MAN1A2: variants seen among roughly 807,000 people sequenced by gnomAD.
MAN1A2 encodes mannosyl-oligosaccharide 1,2-alpha-mannosidase IB.
MAN1A2 carries 26 observed loss-of-function variants against 75.7 expected under a neutral mutation model. That is an observed-to-expected ratio of 0.34 (90% CI 0.25 to 0.48). The LOEUF is 0.48. MAN1A2 is among the 20% of genes least tolerant of loss of function. The pLI, the probability that MAN1A2 is intolerant of heterozygous loss-of-function variation, is 0.99. For missense variants in MAN1A2, 562 were observed against 775.5 expected (o/e 0.72, Z 3.27); for synonymous variants, 247 against 264.6 (o/e 0.93, Z 0.65).
intron 1 of MAN1A2, among the ~76,000 whole-genome samples, chr1:117,394,777 G>T (rs1335967434): frequency 6.6e-6 from 1 of 152,214 alleles, no homozygotes; most frequent in African/African-American, 2.4e-5. Context: ...AGTGTAGGAA[G>T]TGGAAACAGC....
At chr1:117,490,414 C>G (rs932222865) in intron 8 of MAN1A2, among the ~76,000 whole-genome samples, 1 of 152,006 alleles carries the variant, frequency 6.6e-6, no homozygotes, top group African/African-American at 2.4e-5. Flanking sequence ...TTTTGGGCAG[C>G]ATGAACAGCA....
intron 12 of MAN1A2, among the ~76,000 whole-genome samples, chr1:117,521,871 G>T (rs1046108203): frequency 6.6e-6 from 1 of 151,862 alleles, no homozygotes; most frequent in Non-Finnish European, 1.5e-5. Context: ...CCAATTAACA[G>T]CATTTGCAGT....
intron 5 of MAN1A2, among the ~76,000 whole-genome samples, chr1:117,441,453 A>G (rs1649031698): frequency 6.6e-6 from 1 of 152,170 alleles, no homozygotes; most frequent in South Asian, 2.1e-4. Flanking sequence ...TGATGCATAT[A>G]AGAGAATGTG....
intron 4 of MAN1A2, among the ~76,000 whole-genome samples, chr1:117,419,801 ATC>A (rs1023602247): frequency 1.3e-5 from 2 of 151,920 alleles, no homozygotes; most frequent in Admixed American, 1.3e-4. Flanking sequence ...TGCTGTTTCC[ATC>A]TGTTTGCCAT....
chr1:117,371,743 C>T (rs1246547956), intron 1 of MAN1A2, among the ~76,000 whole-genome samples: 2 of 152,074 alleles, frequency 1.3e-5, no homozygotes, highest in Non-Finnish European at 2.9e-5. Context: ...TTTTTGGCCT[C>T]CTTATTGTTG....
intron 6 of MAN1A2, among the ~76,000 whole-genome samples, chr1:117,448,372 A>G (rs1477070107): frequency 6.6e-6 from 1 of 152,214 alleles, no homozygotes; most frequent in African/African-American, 2.4e-5. Flanking sequence ...AATGTAGCTC[A>G]TTATTCTGTA....
chr1:117,412,023 G>A (rs965861032), intron 3 of MAN1A2, among the ~76,000 whole-genome samples: 2 of 151,468 alleles, frequency 1.3e-5, no homozygotes, highest in Admixed American at 6.6e-5. Context: ...ATTTTTTTCC[G>A]CCAATGATAT....
intron 1 of MAN1A2, among the ~76,000 whole-genome samples, chr1:117,389,213 G>T (rs541133923): frequency 6.6e-6 from 1 of 152,208 alleles, no homozygotes; most frequent in East Asian, 1.9e-4. Context: ...TTTCCTTTGG[G>T]TTTTATACCT....
At chr1:117,466,462 A>G (rs775997139) in intron 8 of MAN1A2, 35 bp downstream of exon 8, 2 of 1,367,888 alleles carry the variant, frequency 1.5e-6, no homozygotes, top group Non-Finnish European at 2.0e-6. Context: ...CTTTCTTAAA[A>G]AATTATTTGT....
At chr1:117,496,723 GT>G (rs1194026827) in intron 9 of MAN1A2, 39 bp from the exon 10 acceptor site, 1 of 1,415,016 alleles carries the variant, frequency 7.1e-7, no homozygotes, top group African/African-American at 1.4e-5. Context: ...AACACTAATA[GT>G]TTGCATCTAA....
At chr1:117,426,213 T>C (rs1426458324) in intron 5 of MAN1A2, among the ~76,000 whole-genome samples, 1 of 151,916 alleles carries the variant, frequency 6.6e-6, no homozygotes, top group Non-Finnish European at 1.5e-5. Flanking sequence ...ATGTAATAGG[T>C]CTTTTTTTTT....
intron 1 of MAN1A2, among the ~76,000 whole-genome samples, chr1:117,390,904 G>A (rs1487942184): frequency 1.3e-5 from 2 of 151,794 alleles, no homozygotes; most frequent in African/African-American, 2.4e-5. Context: ...TTTAAAAAAC[G>A]CCTTTATTGA....
At chr1:117,446,535 T>C (rs1649241410) in intron 6 of MAN1A2, among the ~76,000 whole-genome samples, 1 of 152,172 alleles carries the variant, frequency 6.6e-6, no homozygotes, top group Non-Finnish European at 1.5e-5. Context: ...TAGAATTTTT[T>C]CTTCAATGCA....
At chr1:117,372,984 C>T (rs1653015835) in intron 1 of MAN1A2, among the ~76,000 whole-genome samples, 1 of 152,184 alleles carries the variant, frequency 6.6e-6, no homozygotes, top group African/African-American at 2.4e-5. Context: ...CATCTTAGTT[C>T]TACTAACTAG....
At chr1:117,433,330 T>A (rs1315058813) in intron 5 of MAN1A2, among the ~76,000 whole-genome samples, 1 of 152,152 alleles carries the variant, frequency 6.6e-6, no homozygotes, top group Non-Finnish European at 1.5e-5. Context: ...ATTGGAAACA[T>A]TTCTGGTTCT....
At chr1:117,373,609 C>T (rs1172309886) in intron 1 of MAN1A2, among the ~76,000 whole-genome samples, 1 of 151,474 alleles carries the variant, frequency 6.6e-6, no homozygotes, top group Non-Finnish European at 1.5e-5. Context: ...TTCTGAGTAG[C>T]TGAAACTATG....
intron 12 of MAN1A2, among the ~76,000 whole-genome samples, chr1:117,509,418 CTAAG>C (rs1376919497): frequency 6.6e-6 from 1 of 151,836 alleles, no homozygotes; most frequent in African/African-American, 2.4e-5. Context: ...TTCAAACACC[CTAAG>C]TGAGAGTACA....
intron 2 of MAN1A2, among the ~76,000 whole-genome samples, chr1:117,404,181 C>T (rs989833524): frequency 1.3e-5 from 2 of 152,120 alleles, no homozygotes; most frequent in African/African-American, 4.8e-5. Flanking sequence ...AATTTTGCAT[C>T]TGTGTTCTTG....
chr1:117,493,135 C>A lies in MAN1A2; in HGVS notation c.1169-12C>A. The A allele has an allele frequency of 6.8e-7, 1 of 1,468,644 alleles. No individual in the cohort carries two copies. Among genetic ancestry groups the A allele is most frequent in the Non-Finnish European group, 9.5e-7 (1 of 1,048,740 alleles). The allele number at this position is 1,468,644 out of a possible 1,614,324, so 91.0% of individuals were successfully genotyped here. The stretch of plus-strand genomic sequence containing the variant: ...CTTTACCTCTATCCTTCTGTTTTCT[C>A]CTTTGTTACAGATCATACATCTGTC... On this transcript the variant is annotated splice_polypyrimidine_tract_variant and intron_variant, in intron 8 of 12. Coordinates refer to ENST00000356554, the MANE Select transcript of MAN1A2 (RefSeq NM_006699.5).
Sources: allele counts gnomAD v4.1 joint callset (sites outside exome capture counted in the v4.1 genomes callset), GRCh38; gene constraint gnomAD v4.1.1; transcripts MANE v1.5; gene names NCBI Gene and HGNC (gene_info 2026-07-23, HGNC 2026-07-21).